WDR44: variants seen among roughly 807,000 people sequenced by gnomAD.
WDR44 encodes the protein WD repeat-containing protein 44.
Under a neutral mutation model 65.7 loss-of-function variants are expected in WDR44, and 9 were observed. The ratio of observed to expected loss-of-function variants is 0.14; its 90% CI spans 0.08 to 0.24. The LOEUF is 0.24. WDR44 is among the 10% of genes least tolerant of loss of function. WDR44 has a pLI of 1.00. For missense variants in WDR44, 425 were observed against 670.9 expected (o/e 0.63, Z 4.05); for synonymous variants, 220 against 235.2 (o/e 0.94, Z 0.59).
chrX:118,393,098 T>A lies in WDR44; in HGVS notation c.653T>A (p.Leu218His), dbSNP rs1473092507. 1 of 1,210,161 alleles carries A rather than the reference T, an allele frequency of 8.3e-7. No homozygotes were observed. The highest frequency in any genetic ancestry group is 1.1e-6 in the Non-Finnish European group (1 of 895,288). The change falls in exon 4 of 20, where the codon CTT (leucine) becomes CAT (histidine). Residue 218 changes from leucine to histidine, a missense_variant. Physicochemically the swap from Leu to His is moderately conservative, Grantham distance 99 (BLOSUM62 -3). This residue lies in a region of WDR44 where 193 missense variants were observed against 209.0 expected (regional missense o/e 0.92). Coordinates refer to ENST00000254029, the MANE Select transcript of WDR44 (RefSeq NM_019045.5). ...EVAPAKPPRH[L>H]TPEPDIVAST... ...GCCCCTGCCAAACCCCCAAGACACC[T>A]TACTCCAGAGCCTGATATAGTGGCT...
chrX:118,363,235 T>TA (rs1166155870), intron 1 of WDR44, among the ~76,000 whole-genome samples: 20 of 105,094 alleles, frequency 1.9e-4, no homozygotes, highest in Non-Finnish European at 3.1e-4. Context: ...CTGTCTCTAC[T>TA]AAAAAAAAAT....
chrX:118,380,794 T>C (rs747599639), intron 2 of WDR44, among the ~76,000 whole-genome samples: 4 of 111,976 alleles, frequency 3.6e-5, no homozygotes, highest in African/African-American at 9.7e-5. Context: ...GAGAGGAAGA[T>C]AGAATTGGCG....
rs747319555 is a variant in WDR44 at position 118,435,139 on chromosome X, T to G, written c.1852-1563T>G. Among the ~76,000 whole-genome samples the G allele has an allele frequency of 1.7e-3, 195 of 112,530 alleles. 1 individual carries two copies. Among genetic ancestry groups the G allele is most frequent in the Middle Eastern group, 4.6e-3 (1 of 217 alleles). ...AGAACAAGTCTTTCTTAAAGAATAC[T>G]TATTTGGAACAAGTCTTAACATGTC... On this transcript the variant is annotated intron_variant, in intron 13 of 19. Transcript: ENST00000254029.
At position 118,444,390 on chromosome X, in the gene WDR44, T is replaced by G. The variant is rs915467898; in HGVS notation, c.2543T>G (p.Phe848Cys). The change falls in exon 19 of 20, where the codon TTT becomes TGT. Residue 848 changes from phenylalanine (F) to cysteine (C), a missense_variant. This residue lies in a region of WDR44 where 73 missense variants were observed against 187.4 expected (regional missense o/e 0.39). Transcript: ENST00000254029. ...AATGCAGTTGTTACATCAGCCATCTTTGCACCAAACCCAAGTTTGATGTTA... is the reference window on the plus strand; with the variant it reads ...AATGCAGTTGTTACATCAGCCATCTGTGCACCAAACCCAAGTTTGATGTTA... ...AHNAVVTSAI[F>C]APNPSLMLSL... 14 of 1,209,530 alleles carry G rather than the reference T, an allele frequency of 1.2e-5. No homozygotes were observed. Among genetic ancestry groups the G allele is most frequent in the Non-Finnish European group, 1.6e-5 (14 of 894,914 alleles).
chrX:118,368,544 G>A (rs1000900689), intron 1 of WDR44, among the ~76,000 whole-genome samples: 14 of 98,645 alleles, frequency 1.4e-4, no homozygotes, highest in African/African-American at 5.6e-4. Context: ...GCTGATACAT[G>A]GATGTTGATG....
chrX:118,347,871 C>T (rs1405992824), intron 1 of WDR44, among the ~76,000 whole-genome samples: 1 of 112,402 alleles, frequency 8.9e-6, no homozygotes, highest in Non-Finnish European at 1.9e-5. Flanking sequence ...GAATCTCCTT[C>T]AAGTTCAATA....
intron 2 of WDR44, among the ~76,000 whole-genome samples, chrX:118,384,515 C>G (rs978466407): frequency 3.6e-5 from 4 of 111,584 alleles, no homozygotes; most frequent in Admixed American, 1.9e-4. Flanking sequence ...TCTGTATTCT[C>G]TATTCTGTTC....
rs1327373130 is a variant in WDR44, at chrX:118,445,207, A to G, written c.2647+713A>G. The G allele has an allele frequency of 2.8e-5, 6 of 217,854 alleles. No individual in the cohort carries two copies. In the South Asian group the frequency reaches 3.1e-4, roughly 11 times the overall value. 18.0% of individuals were successfully genotyped at this position (217,854 alleles called of 1,213,427 possible). On this transcript the variant is annotated intron_variant, in intron 19 of 19. Coordinates refer to ENST00000254029, the MANE Select transcript of WDR44 (RefSeq NM_019045.5). ...CTACTCGGGATGCTGAGGCAAGAGA[A>G]TGGTGTGAGCCCGGGAGGCAGAGCT...
chrX:118,356,487 A>AT (rs1197477926), intron 1 of WDR44, among the ~76,000 whole-genome samples: 4 of 109,661 alleles, frequency 3.6e-5, no homozygotes, highest in African/African-American at 1.3e-4. Flanking sequence ...TAACTGATTC[A>AT]TTTTTTTGGC....
chrX:118,385,618 T>G lies in WDR44; in HGVS notation c.112-1722T>G, dbSNP rs917783174. 2.5e-4 allele frequency among the ~76,000 whole-genome samples: 28 copies of G among 110,687 alleles called. 1 individual carries two copies. The highest frequency in any genetic ancestry group is 8.9e-4 in the African/African-American group (27 of 30,370). ...CAAAACCCCATGACACAAGTTTACC[T>G]GTGTAACAAATCTGCACATGTACCC... On this transcript the variant is annotated intron_variant, in intron 2 of 19. Coordinates refer to ENST00000254029, the MANE Select transcript of WDR44 (RefSeq NM_019045.5).
At chrX:118,429,878 G>A (rs1158299952) in intron 12 of WDR44, among the ~76,000 whole-genome samples, 6 of 110,247 alleles carry the variant, frequency 5.4e-5, no homozygotes, top group African/African-American at 2.0e-4. Flanking sequence ...CCTGACCTCA[G>A]GTGATCCGGC....
intron 12 of WDR44, among the ~76,000 whole-genome samples, chrX:118,429,886 G>A (rs1390568741): frequency 5.4e-5 from 6 of 110,119 alleles, no homozygotes; most frequent in Non-Finnish European, 1.1e-4. Flanking sequence ...CAGGTGATCC[G>A]GCTGCCTCAG....
chrX:118,363,258 C>T (rs746125542), intron 1 of WDR44, among the ~76,000 whole-genome samples: 6 of 107,188 alleles, frequency 5.6e-5, no homozygotes, highest in South Asian at 8.4e-4. Flanking sequence ...AAAAGTTAGC[C>T]GGGCGTGGTG....
intron 10 of WDR44, 139 bp downstream of exon 10, chrX:118,407,165 T>A: frequency 1.7e-6 from 1 of 597,812 alleles, no homozygotes; most frequent in Non-Finnish European, 2.6e-6. Context: ...TAACATGATT[T>A]AATGAATAGG....
chrX:118,420,261 C>CT lies in WDR44; in HGVS notation c.1737+9310dup, dbSNP rs907345195. On this transcript the variant is annotated intron_variant, in intron 12 of 19. Transcript: ENST00000254029. ...ATTGTGTGGTTTAAAATTTTTTTTT[C>CT]TTTTTTTTGAGACAGAGTCTCGCTC... Among the ~76,000 whole-genome samples, 85 of 109,862 alleles carry CT rather than the reference C, an allele frequency of 7.7e-4. 1 individual carries two copies. Among genetic ancestry groups the CT allele is most frequent in the African/African-American group, 2.7e-3 (82 of 30,274 alleles).
At position 118,350,200 on chromosome X, in the gene WDR44, T is replaced by C. The variant is rs1482464187; in HGVS notation, c.77+3620T>C. Among the ~76,000 whole-genome samples the C allele has an allele frequency of 2.0e-4, 22 of 112,104 alleles. 1 individual carries two copies. In the Admixed American group the frequency reaches 2.1e-3, roughly 11 times the overall value. ...TTGCAAGATCATAGCCTGTTGCAGC[T>C]AGAAGGGACATCTAGTTAAACTCCT... On this transcript the variant is annotated intron_variant, in intron 1 of 19. Coordinates refer to ENST00000254029, the MANE Select transcript of WDR44 (RefSeq NM_019045.5).
intron 1 of WDR44, among the ~76,000 whole-genome samples, chrX:118,358,884 C>T (rs2056487030): frequency 9.0e-6 from 1 of 111,258 alleles, no homozygotes; most frequent in Admixed American, 9.6e-5. Context: ...ATCAGCCTGG[C>T]CAACATGGTG....
At chrX:118,441,741 T>A (rs746284056) in intron 15 of WDR44, among the ~76,000 whole-genome samples, 182 bp downstream of exon 15, 2 of 110,864 alleles carry the variant, frequency 1.8e-5, no homozygotes, top group South Asian at 7.6e-4. Flanking sequence ...AATTCTAATT[T>A]AAAAAAAATT....
chrX:118,447,743 G>A (rs936874632), intron 19 of WDR44, among the ~76,000 whole-genome samples: 2 of 107,414 alleles, frequency 1.9e-5, no homozygotes, highest in Non-Finnish European at 3.8e-5. Flanking sequence ...ATAATTAGTC[G>A]GGCACAGTGG....
Sources: allele counts gnomAD v4.1 joint callset (sites outside exome capture counted in the v4.1 genomes callset), GRCh38; gene constraint gnomAD v4.1.1; regional missense constraint gnomAD v4.1.1; transcripts MANE v1.5; gene names NCBI Gene and HGNC (gene_info 2026-07-23, HGNC 2026-07-21).